Variants in LRFN5 observed in about 807,000 individuals in gnomAD.
The protein encoded by LRFN5 is leucine-rich repeat and fibronectin type-III domain-containing protein 5.
Under a neutral mutation model 45.6 loss-of-function variants are expected in LRFN5, and 24 were observed. The ratio of observed to expected loss-of-function variants is 0.53; its 90% CI spans 0.38 to 0.74. LRFN5 has a LOEUF of 0.74. LRFN5 is among the 30% of genes least tolerant of loss of function. The probability of loss-of-function intolerance (pLI) is 0.00; values close to 1 mark genes in which losing one functional copy is unlikely to be tolerated. For missense variants in LRFN5, 776 were observed against 861.5 expected (o/e 0.90, Z 1.24); for synonymous variants, 340 against 313.8 (o/e 1.08, Z -0.88).
chr14:41,866,998 G>A (rs1889862801), intron 2 of LRFN5, among the ~76,000 whole-genome samples: 1 of 151,996 alleles, frequency 6.6e-6, no homozygotes, highest in Non-Finnish European at 1.5e-5. Flanking sequence ...ATCTTACATA[G>A]TGAGATACAC....
intron 2 of LRFN5, among the ~76,000 whole-genome samples, chr14:41,839,682 C>T (rs976349177): frequency 6.6e-6 from 1 of 152,100 alleles, no homozygotes; most frequent in Non-Finnish European, 1.5e-5. Context: ...GTGAGAAAGA[C>T]AGCTCAACTC....
At chr14:41,667,692 A>C (rs913664303) in intron 1 of LRFN5, among the ~76,000 whole-genome samples, 2 of 151,922 alleles carry the variant, frequency 1.3e-5, no homozygotes, top group Non-Finnish European at 2.9e-5. Context: ...CTATCTATAA[A>C]ATTCTTTGAT....
intron 1 of LRFN5, among the ~76,000 whole-genome samples, chr14:41,662,276 A>G (rs1880690960): frequency 6.6e-6 from 1 of 152,032 alleles, no homozygotes; most frequent in Non-Finnish European, 1.5e-5. Flanking sequence ...GTTCCTAACC[A>G]CCTACGTCAG....
chr14:41,702,144 A>T (rs1002826225), intron 1 of LRFN5, among the ~76,000 whole-genome samples: 1 of 152,292 alleles, frequency 6.6e-6, no homozygotes, highest in African/African-American at 2.4e-5. Flanking sequence ...TTTAAATAAA[A>T]TCCTGCTAAT....
chr14:41,669,590 G>A lies in LRFN5; in HGVS notation c.-197+61028G>A, dbSNP rs568656755. On this transcript the variant is annotated intron_variant, in intron 1 of 5. Transcript: ENST00000298119. ...TCTGTAAGCTTAACACATACTATTG[G>A]CATGGTTGTCGCTTGTGGGAATGTA... Among the ~76,000 whole-genome samples, 9 of 151,912 alleles carry A rather than the reference G, an allele frequency of 5.9e-5. No homozygotes were observed. In the East Asian group the frequency reaches 1.7e-3, roughly 29 times the overall value.
intron 4 of LRFN5, 68 bp from the exon 5 acceptor site, chr14:41,898,849 A>G: frequency 4.3e-6 from 6 of 1,381,370 alleles, no homozygotes; most frequent in Non-Finnish European, 6.1e-6. Context: ...GATTTCAGTA[A>G]GAGGTTTTTT....
chr14:41,762,978 C>T (rs1885731883), intron 1 of LRFN5, among the ~76,000 whole-genome samples: 1 of 151,904 alleles, frequency 6.6e-6, no homozygotes, highest in Non-Finnish European at 1.5e-5. Context: ...GGTAATGATA[C>T]CATTTGATGG....
At chr14:41,767,408 AC>A (rs1566660735) in intron 2 of LRFN5, among the ~76,000 whole-genome samples, 1 of 152,150 alleles carries the variant, frequency 6.6e-6, no homozygotes, top group African/African-American at 2.4e-5. Context: ...TGGCTAATAA[AC>A]TATGAAAATG....
intron 1 of LRFN5, among the ~76,000 whole-genome samples, chr14:41,698,795 GA>G (rs200037263): frequency 0.015 from 2,251 of 151,948 alleles, 12 homozygotes; most frequent in African/African-American, 0.021. Flanking sequence ...AAAATTATGT[GA>G]TTTTTCTGTC....
intron 1 of LRFN5, among the ~76,000 whole-genome samples, chr14:41,681,967 C>T (rs1318614082): frequency 3.3e-5 from 5 of 151,576 alleles, no homozygotes; most frequent in Admixed American, 6.6e-5. Context: ...TACAGGCGTG[C>T]GCCATCATGC....
intron 1 of LRFN5, among the ~76,000 whole-genome samples, chr14:41,659,195 C>T (rs542962889): frequency 1.6e-4 from 24 of 151,974 alleles, no homozygotes; most frequent in Non-Finnish European, 3.1e-4. Context: ...AATGCTATCC[C>T]TCCCCTAGCT....
At chr14:41,858,199 TGTTA>T (rs1566487565) in intron 2 of LRFN5, among the ~76,000 whole-genome samples, 1 of 152,116 alleles carries the variant, frequency 6.6e-6, no homozygotes, top group Non-Finnish European at 1.5e-5. Flanking sequence ...TATCTTCACC[TGTTA>T]GTGAGCAAGG....
chr14:41,740,312 A>G (rs936467492), intron 1 of LRFN5, among the ~76,000 whole-genome samples: 2 of 152,086 alleles, frequency 1.3e-5, no homozygotes. Flanking sequence ...AGCAAACCAA[A>G]TTCAGAAGCA....
At chr14:41,644,945 T>A (rs1254266130) in intron 1 of LRFN5, among the ~76,000 whole-genome samples, 1 of 152,192 alleles carries the variant, frequency 6.6e-6, no homozygotes, top group Non-Finnish European at 1.5e-5. Flanking sequence ...TTTTTTATGG[T>A]CTAAAAGCAG....
At chr14:41,678,700 T>C (rs117592086) in intron 1 of LRFN5, among the ~76,000 whole-genome samples, 3 of 152,186 alleles carry the variant, frequency 2.0e-5, no homozygotes, top group Non-Finnish European at 4.4e-5. Context: ...GATGTCTGAA[T>C]AGAAGCTTCC....
chr14:41,717,722 C>G (rs1883547265), intron 1 of LRFN5, among the ~76,000 whole-genome samples: 2 of 152,150 alleles, frequency 1.3e-5, no homozygotes, highest in Admixed American at 6.5e-5. Context: ...AATCCTGAGG[C>G]TGACATTTTA....
intron 1 of LRFN5, among the ~76,000 whole-genome samples, chr14:41,637,624 G>A (rs1048499826): frequency 6.6e-6 from 1 of 152,174 alleles, no homozygotes; most frequent in African/African-American, 2.4e-5. Flanking sequence ...AACTCATTGG[G>A]TGGATCCGTG....
At chr14:41,797,152 G>C (rs184962708) in intron 2 of LRFN5, among the ~76,000 whole-genome samples, 1 of 151,780 alleles carries the variant, frequency 6.6e-6, no homozygotes, top group African/African-American at 2.4e-5. Flanking sequence ...AAAGTTTCTT[G>C]TCATAGTGAG....
intron 5 of LRFN5, among the ~76,000 whole-genome samples, chr14:41,903,865 T>G: frequency 6.6e-6 from 1 of 152,080 alleles, no homozygotes; most frequent in Middle Eastern, 3.2e-3. Flanking sequence ...AATGCCATTT[T>G]ACAATGTAGC....
Sources: allele counts gnomAD v4.1 joint callset (sites outside exome capture counted in the v4.1 genomes callset), GRCh38; gene constraint gnomAD v4.1.1; transcripts MANE v1.5; gene names NCBI Gene and HGNC (gene_info 2026-07-23, HGNC 2026-07-21).